POLK: variants seen among roughly 807,000 people sequenced by gnomAD.
POLK encodes polymerase (DNA directed) kappa.
POLK carries 76 observed loss-of-function variants against 94.0 expected under a neutral mutation model. The ratio of observed to expected loss-of-function variants is 0.81; its 90% confidence interval spans 0.67 to 0.98. The LOEUF is 0.98. Ranked by LOEUF, POLK falls within the 50% of genes least tolerant of loss-of-function variation. The pLI, the probability that POLK is intolerant of heterozygous loss-of-function variation, is 0.00. For synonymous variants in POLK, 349 were observed against 325.4 expected (o/e 1.07, Z -0.78); for missense variants, 954 against 1,010.1 (o/e 0.94, Z 0.75).
intron 7 of POLK, chr5:75,583,072 C>T (rs1479370166): frequency 6.0e-6 from 2 of 335,774 alleles, no homozygotes; most frequent in Non-Finnish European, 1.1e-5. Context: ...TTAAATATTT[C>T]TCATTTTTGC....
chr5:75,537,252 C>T (rs1285567790), intron 1 of POLK, among the ~76,000 whole-genome samples: 1 of 152,194 alleles, frequency 6.6e-6, no homozygotes, highest in East Asian at 1.9e-4. Context: ...ATCTCAGTGG[C>T]TCTGCCTCAG....
intron 1 of POLK, among the ~76,000 whole-genome samples, chr5:75,539,042 G>T (rs1259733112): frequency 6.6e-6 from 1 of 152,162 alleles, no homozygotes; most frequent in African/African-American, 2.4e-5. Flanking sequence ...AAAGTGCAGG[G>T]ATTACAGGCA....
At chr5:75,573,716 C>T in intron 4 of POLK, 22 bp from the exon 5 acceptor site, 1 of 1,601,190 alleles carries the variant, frequency 6.2e-7, no homozygotes, top group Non-Finnish European at 8.5e-7. Flanking sequence ...TATTTTTTTC[C>T]ATGTGGTCAA....
chr5:75,579,561 T>C (rs5744662), intron 6 of POLK, among the ~76,000 whole-genome samples: 20,081 of 151,248 alleles, frequency 0.13, 1,497 homozygotes, highest in East Asian at 0.2. Context: ...TTTCACCATG[T>C]TAGCCAGGCT....
At chr5:75,552,071 A>C (rs1770363390) in intron 2 of POLK, among the ~76,000 whole-genome samples, 1 of 152,234 alleles carries the variant, frequency 6.6e-6, no homozygotes, top group Non-Finnish European at 1.5e-5. Context: ...TTAACATTAA[A>C]TATTTGAAAA....
chr5:75,572,766 A>ACC (rs1771660272), intron 4 of POLK, among the ~76,000 whole-genome samples: 1 of 152,182 alleles, frequency 6.6e-6, no homozygotes, highest in African/African-American at 2.4e-5. Flanking sequence ...ACTTGGATTA[A>ACC]AACAGTGGCC....
intron 10 of POLK, among the ~76,000 whole-genome samples, chr5:75,588,616 C>A (rs1012304628): frequency 5.9e-5 from 9 of 152,110 alleles, no homozygotes; most frequent in African/African-American, 2.2e-4. Context: ...GCTATTAAAA[C>A]AAATTTCTAC....
chr5:75,520,228 A>G (rs1440951574), intron 1 of POLK, among the ~76,000 whole-genome samples: 2 of 152,170 alleles, frequency 1.3e-5, no homozygotes, highest in African/African-American at 4.8e-5. Flanking sequence ...CTCAACTTAC[A>G]TATTTTTATA....
chr5:75,544,702 T>C (rs144693713), intron 1 of POLK, among the ~76,000 whole-genome samples: 1 of 152,206 alleles, frequency 6.6e-6, no homozygotes, highest in African/African-American at 2.4e-5. Context: ...CCCAGAAATA[T>C]ATGGGCAAGA....
chr5:75,575,568 A>G (rs767734416), intron 5 of POLK, among the ~76,000 whole-genome samples: 60 of 152,306 alleles, frequency 3.9e-4, no homozygotes, highest in Admixed American at 2.6e-3. Context: ...GCAATATCCT[A>G]TGTAAAGGAA....
intron 1 of POLK, among the ~76,000 whole-genome samples, chr5:75,545,267 G>A (rs559387989): frequency 6.6e-6 from 1 of 152,292 alleles, no homozygotes; most frequent in South Asian, 2.1e-4. Context: ...TGGAGTAAAT[G>A]AGTGCCCTCT....
At chr5:75,536,722 C>T (rs578011641) in intron 1 of POLK, among the ~76,000 whole-genome samples, 1 of 152,100 alleles carries the variant, frequency 6.6e-6, no homozygotes, top group Non-Finnish European at 1.5e-5. Context: ...ATGTGTTGCC[C>T]CCCAGCTACC....
chr5:75,536,866 C>A (rs946528044), intron 1 of POLK, among the ~76,000 whole-genome samples: 9 of 152,226 alleles, frequency 5.9e-5, no homozygotes, highest in Non-Finnish European at 1.3e-4. Context: ...CATTGCTTGC[C>A]TGGCTACCAG....
intron 10 of POLK, among the ~76,000 whole-genome samples, chr5:75,587,671 A>G (rs1450621273): frequency 1.3e-5 from 2 of 152,160 alleles, no homozygotes; most frequent in African/African-American, 4.8e-5. Flanking sequence ...CTGTAATCCC[A>G]GCATTTTGGG....
chr5:75,578,104 G>A (rs1229705226), intron 6 of POLK, among the ~76,000 whole-genome samples: 1 of 152,108 alleles, frequency 6.6e-6, no homozygotes, highest in Non-Finnish European at 1.5e-5. Flanking sequence ...CTTGCATGAT[G>A]TGTTTTAAAA....
At chr5:75,588,500 T>C (rs1221288157) in intron 10 of POLK, among the ~76,000 whole-genome samples, 1 of 152,238 alleles carries the variant, frequency 6.6e-6, no homozygotes, top group Non-Finnish European at 1.5e-5. Flanking sequence ...TCAGATACCT[T>C]TCTTTCACTA....
chr5:75,523,157 G>A (rs1768665765), intron 1 of POLK, among the ~76,000 whole-genome samples: 1 of 152,092 alleles, frequency 6.6e-6, no homozygotes, highest in African/African-American at 2.4e-5. Flanking sequence ...TATACTGCTA[G>A]TTGATTTATC....
rs55849961 is a variant in POLK, at chr5:75,569,676, A to G, written c.408+184A>G. On this transcript the variant is annotated intron_variant, in intron 4 of 14. Coordinates refer to ENST00000241436, the Ensembl canonical transcript of POLK. The stretch of plus-strand genomic sequence containing the variant: ...TTTAAGGCAGGGGACCCCAACCCCC[A>G]GTTCACAGATTGGTATTGGTCCATG... Among the ~76,000 whole-genome samples, 317 of 152,314 alleles carry G rather than the reference A, an allele frequency of 2.1e-3. 1 individual carries two copies. The East Asian group carries it at 0.027, about 13-fold the overall frequency.
At chr5:75,573,314 G>A (rs889320682) in intron 4 of POLK, among the ~76,000 whole-genome samples, 8 of 151,974 alleles carry the variant, frequency 5.3e-5, no homozygotes, top group Middle Eastern at 3.2e-3. Context: ...ATTGAACAAC[G>A]AGAACACGTG....
Sources: allele counts gnomAD v4.1 joint callset (sites outside exome capture counted in the v4.1 genomes callset), GRCh38; gene constraint gnomAD v4.1.1; transcripts MANE v1.5; gene names NCBI Gene and HGNC (gene_info 2026-07-23, HGNC 2026-07-21).